The following SLC45A2 variants were observed in gnomAD, a reference collection of about 807,000 sequenced individuals.
SLC45A2 encodes the protein membrane-associated transporter protein.
Under a neutral mutation model 45.5 loss-of-function variants are expected in SLC45A2, and 36 were observed. The observed-to-expected ratio is 0.79, with a 90% CI of 0.61 to 1.04. The LOEUF (loss-of-function observed/expected upper bound fraction) is 1.04, where lower values mean the gene tolerates loss of function less well. Ranked by LOEUF, SLC45A2 falls within the 50% of genes least tolerant of loss-of-function variation. The probability of loss-of-function intolerance (pLI) is 0.00; values close to 1 mark genes in which losing one functional copy is unlikely to be tolerated. For missense variants in SLC45A2, 719 were observed against 671.0 expected, an observed-to-expected ratio of 1.07 and a Z score of -0.79; for synonymous variants, 306 against 269.3, an observed-to-expected ratio of 1.14 and a Z score of -1.33.
chr5:33,944,944 T>G, intron 6 of SLC45A2, 72 bp from the exon 7 acceptor site: 1 of 1,444,420 alleles, frequency 6.9e-7, no homozygotes, highest in Non-Finnish European at 9.5e-7. Flanking sequence ...CAGCAAAATT[T>G]TTCTGTGACC....
chr5:33,951,785 A>G lies in SLC45A2; in HGVS notation c.1033-108T>C, dbSNP rs1752109270. 5.7e-6 allele frequency: 8 copies of G among 1,395,552 alleles called. No individual in the cohort carries two copies. In the South Asian group the frequency reaches 8.0e-5, roughly 14 times the overall value. 86.4% of individuals were successfully genotyped at this position (1,395,552 alleles called of 1,614,324 possible). ...GGGAGCAAATGTCCCTGCCTGAGGG[A>G]CCCTTTCTAGAGTACAGAGCTGATG... is the stretch of plus-strand genomic sequence containing the variant. On this transcript the variant is annotated intron_variant, in intron 4 of 6. Coordinates refer to ENST00000296589, the MANE Select transcript of SLC45A2 (RefSeq NM_016180.5).
chr5:33,968,145 G>T (rs1270463657), intron 2 of SLC45A2, among the ~76,000 whole-genome samples: 20 of 152,096 alleles, frequency 1.3e-4, no homozygotes, highest in Non-Finnish European at 2.9e-5. Flanking sequence ...TTATCTATTT[G>T]CTGCCTCAGA....
At chr5:33,970,478 T>C (rs1752746601) in intron 2 of SLC45A2, among the ~76,000 whole-genome samples, 3 of 152,246 alleles carry the variant, frequency 2.0e-5, no homozygotes, top group African/African-American at 7.2e-5. Context: ...ATAAACTATC[T>C]GTATACAAAC....
chr5:33,955,266 G>C (rs1285904917), intron 3 of SLC45A2, among the ~76,000 whole-genome samples: 2 of 152,144 alleles, frequency 1.3e-5, no homozygotes, highest in Non-Finnish European at 2.9e-5. Context: ...TAACCACATG[G>C]AACTGCATTC....
chr5:33,958,578 A>G (rs564905373), intron 3 of SLC45A2, among the ~76,000 whole-genome samples: 1 of 152,320 alleles, frequency 6.6e-6, no homozygotes, highest in African/African-American at 2.4e-5. Flanking sequence ...GTGCAGCGGC[A>G]TGATCACAGC....
At chr5:33,977,856 A>G (rs1752974024) in intron 2 of SLC45A2, among the ~76,000 whole-genome samples, 1 of 152,170 alleles carries the variant, frequency 6.6e-6, no homozygotes, top group Non-Finnish European at 1.5e-5. Flanking sequence ...TGTCTAGGAA[A>G]ATATTATTTA....
At chr5:33,975,531 C>G (rs958010903) in intron 2 of SLC45A2, among the ~76,000 whole-genome samples, 1 of 152,180 alleles carries the variant, frequency 6.6e-6, no homozygotes, top group Admixed American at 6.5e-5. Context: ...TAATTATTTA[C>G]TCATATATGG....
At chr5:33,947,073 C>A in intron 6 of SLC45A2, 90 bp downstream of exon 6, 1 of 1,613,232 alleles carries the variant, frequency 6.2e-7, no homozygotes, top group South Asian at 1.1e-5. Context: ...CCTTATTTTC[C>A]AGCTCTGCTC....
intron 3 of SLC45A2, 37 bp downstream of exon 3, chr5:33,963,654 T>C (rs1752513557): frequency 1.9e-6 from 3 of 1,600,094 alleles, no homozygotes; most frequent in African/African-American, 2.7e-5. Flanking sequence ...AGAGCAAGAA[T>C]ATTTTCCCTT....
At position 33,982,147 on chromosome 5, in the gene SLC45A2, A is replaced by T; in HGVS notation, c.562+89T>A. On this transcript the variant is annotated intron_variant, in intron 2 of 6. Coordinates refer to ENST00000296589, the MANE Select transcript of SLC45A2 (RefSeq NM_016180.5). ...ATCAGCTGACCCGTTCATTCAAAAA[A>T]CTCCACGTGTAGAGACACTGGATGG... The T allele has an allele frequency of 1.3e-6, 2 of 1,485,142 alleles. 1 individual carries two copies. Among genetic ancestry groups the T allele is most frequent in the South Asian group, 2.3e-5 (2 of 87,924 alleles). The allele number at this position is 1,485,142 out of a possible 1,614,324, so 92.0% of individuals were successfully genotyped here.
intron 2 of SLC45A2, among the ~76,000 whole-genome samples, chr5:33,976,968 T>G (rs1752946006): frequency 6.6e-6 from 1 of 152,188 alleles, no homozygotes. Context: ...CCGATTCCTG[T>G]GTTGATACTC....
chr5:33,950,465 T>C (rs1752066677), intron 5 of SLC45A2, among the ~76,000 whole-genome samples: 1 of 152,208 alleles, frequency 6.6e-6, no homozygotes, highest in Admixed American at 6.5e-5. Flanking sequence ...TGTTACGTGA[T>C]TATTGGGCTC....
rs1468867923 is a variant in SLC45A2 at position 33,982,330 on chromosome 5, G to C, written c.468C>G (p.Ala156=). 1 of 1,613,950 alleles carries C rather than the reference G, an allele frequency of 6.2e-7. No individual in the cohort carries two copies. The highest frequency in any genetic ancestry group is 8.5e-7 in the Non-Finnish European group (1 of 1,180,046). The change falls in exon 2 of 7, where the codon GCC becomes GCG. Residue 156 remains alanine (A), a synonymous_variant. Coordinates refer to ENST00000296589, the MANE Select transcript of SLC45A2 (RefSeq NM_016180.5). ...MIGVVLFDFA[A]DFIDGPIKAY... Reference sequence around the variant, plus strand: ...CTTTGATGGGCCCATCAATGAAGTCGGCAGCAAAATCAAAGAGAACGACAC... The same window carrying C: ...CTTTGATGGGCCCATCAATGAAGTCCGCAGCAAAATCAAAGAGAACGACAC...
chr5:33,982,874 C>G (rs995048552), intron 1 of SLC45A2, among the ~76,000 whole-genome samples: 1 of 152,222 alleles, frequency 6.6e-6, no homozygotes, highest in African/African-American at 2.4e-5. Flanking sequence ...GAGGGAGATG[C>G]TTCCAATCCC....
At chr5:33,969,798 G>A (rs891199467) in intron 2 of SLC45A2, among the ~76,000 whole-genome samples, 3 of 152,144 alleles carry the variant, frequency 2.0e-5, no homozygotes, top group African/African-American at 7.2e-5. Flanking sequence ...TGGAAGGCTT[G>A]AGGGATCCAA....
chr5:33,976,508 A>G (rs1234432426), intron 2 of SLC45A2, among the ~76,000 whole-genome samples: 1 of 152,234 alleles, frequency 6.6e-6, no homozygotes, highest in Admixed American at 6.5e-5. Flanking sequence ...GGGAGGTGGT[A>G]AAATGTTTTC....
chr5:33,960,473 T>C (rs1211743900), intron 3 of SLC45A2, among the ~76,000 whole-genome samples: 2 of 152,112 alleles, frequency 1.3e-5, no homozygotes, highest in African/African-American at 4.8e-5. Context: ...CTAGATGAGA[T>C]TGAAGAATAT....
intron 1 of SLC45A2, among the ~76,000 whole-genome samples, 166 bp from the exon 2 acceptor site, chr5:33,982,578 C>G (rs969390111): frequency 2.6e-5 from 4 of 151,932 alleles, no homozygotes; most frequent in African/African-American, 9.7e-5. Context: ...AAAAATTATG[C>G]AAGCGAATGT....
Position 33,944,674 on chromosome 5 carries a change from C to T in SLC45A2, c.1567G>A (p.Ala523Thr), listed in dbSNP as rs371334000. The change falls in exon 7 of 7, where the codon GCT becomes ACT. Residue 523 changes from alanine to threonine, a missense_variant. Coordinates refer to ENST00000296589, the MANE Select transcript of SLC45A2 (RefSeq NM_016180.5). ...AVALIGCCFV[A>T]LFVRYVD is the part of the protein sequence containing the mutation. ...TAATCCACATATCTAACAAAGAGAGCGACAAAGCAACAGCCTATCAGTGCC... is the reference window on the plus strand; with the variant it reads ...TAATCCACATATCTAACAAAGAGAGTGACAAAGCAACAGCCTATCAGTGCC... The T allele has an allele frequency of 3.0e-5, 49 of 1,614,000 alleles. No individual in the cohort carries two copies. The highest frequency in any genetic ancestry group is 1.6e-4 in the Middle Eastern group (1 of 6,084).
Sources: gnomAD v4.1 joint callset for allele counts (sites outside exome capture counted in the v4.1 genomes callset) on GRCh38, gnomAD v4.1.1 for gene constraint, MANE v1.5 for transcripts, NCBI Gene and HGNC (gene_info 2026-07-23, HGNC 2026-07-21) for gene names.